Variants in VPS13D observed in about 807,000 individuals in gnomAD.
The protein encoded by VPS13D is vacuolar protein sorting 13 homolog D.
In VPS13D, 187 loss-of-function variants were observed where a neutral mutation model predicts 461.9. That is an observed-to-expected ratio of 0.40 (90% CI 0.36 to 0.46). The LOEUF (loss-of-function observed/expected upper bound fraction) is 0.46, where lower values mean the gene tolerates loss of function less well. Among genes scored for constraint, VPS13D ranks in the 20% least tolerant of loss-of-function variants. VPS13D has a pLI of 0.60. For missense variants in VPS13D, 4,711 were observed against 5,364.9 expected (o/e 0.88, Z 3.81); for synonymous variants, 1,951 against 1,986.3 (o/e 0.98, Z 0.47).
At chr1:12,314,899 C>T (rs757447460) in intron 30 of VPS13D, among the ~76,000 whole-genome samples, 6 of 152,226 alleles carry the variant, frequency 3.9e-5, no homozygotes, top group Non-Finnish European at 8.8e-5. Flanking sequence ...TGTCCTTAGA[C>T]AAGTTGTTTA....
intron 1 of VPS13D, among the ~76,000 whole-genome samples, chr1:12,230,649 C>T (rs1453557519): frequency 2.6e-5 from 4 of 152,158 alleles, no homozygotes; most frequent in African/African-American, 9.7e-5. Context: ...CCCGAGGTCA[C>T]ACTCTCGCGT....
At chr1:12,418,519 A>C (rs765629572) in intron 65 of VPS13D, among the ~76,000 whole-genome samples, 5 of 152,186 alleles carry the variant, frequency 3.3e-5, no homozygotes, top group Non-Finnish European at 5.9e-5. Context: ...TTGGTTTTAT[A>C]ATTTCTTTGT....
Position 12,311,533 on chromosome 1 carries a change from T to C in VPS13D, c.6730T>C (p.Tyr2244His). The C allele has an allele frequency of 6.2e-7, 1 of 1,614,186 alleles. No homozygotes were observed. The highest frequency in any genetic ancestry group is 8.5e-7 in the Non-Finnish European group (1 of 1,180,038). The change falls in exon 28 of 70, where the codon TAC becomes CAC. Residue 2244 changes from tyrosine to histidine, a missense_variant. Tyr to His is a moderately conservative substitution (Grantham distance 83). Transcript: ENST00000620676. ...CCACTGCTCTCTGGATCTGTATAAA[T>C]ACAAGCTGATCCGCGGCTTATTAGA... ...SVHCSLDLYKYKLIRGLLENN... is the reference protein window; with the variant it reads ...SVHCSLDLYKHKLIRGLLENN...
intron 52 of VPS13D, 69 bp from the exon 53 acceptor site, chr1:12,368,399 T>C: frequency 6.6e-7 from 1 of 1,515,432 alleles, no homozygotes; most frequent in Non-Finnish European, 8.9e-7. Context: ...GTCAGAAATA[T>C]GAGAAGTAAG....
rs980785691 is a variant in VPS13D, at chr1:12,378,724, A to G, written c.11081+133A>G. ...TTTTTTTCAATGACAAAAACCTGTC[A>G]TATTCCCAAATATGAGTATTGGGCT... is the stretch of plus-strand genomic sequence containing the variant. On this transcript the variant is annotated intron_variant, in intron 56 of 69. Transcript: ENST00000620676. 4.6e-5 allele frequency: 41 copies of G among 897,638 alleles called. No homozygotes were observed. In the African/African-American group the frequency reaches 6.1e-4, roughly 13 times the overall value. 55.6% of individuals were successfully genotyped at this position (897,638 alleles called of 1,614,324 possible).
chr1:12,411,865 A>G (rs749405138), intron 63 of VPS13D, among the ~76,000 whole-genome samples: 2 of 152,004 alleles, frequency 1.3e-5, no homozygotes, highest in Non-Finnish European at 2.9e-5. Context: ...CAAGGAAGCT[A>G]CTCCCAGCTT....
intron 16 of VPS13D, among the ~76,000 whole-genome samples, chr1:12,270,365 C>T (rs935747656): frequency 1.3e-5 from 2 of 150,740 alleles, no homozygotes; most frequent in African/African-American, 2.4e-5. Context: ...GCAGGAGACT[C>T]GCTTGAACCT....
chr1:12,242,071 T>TA lies in VPS13D; in HGVS notation c.98-431dup, dbSNP rs539184850. Among the ~76,000 whole-genome samples the TA allele has an allele frequency of 6.0e-3, 858 of 142,878 alleles. 4 individuals carry two copies. The highest frequency in any genetic ancestry group is 0.018 in the African/African-American group (721 of 39,046). The allele number at this position is 142,878 out of a possible 152,430, so 93.7% of individuals were successfully genotyped here. ...TGGTTTTTGCATTTTTAAAGGTTGA[T>TA]AAAAAAAAAAAGGAGAATACGCAAC... On this transcript the variant is annotated intron_variant, in intron 2 of 69. Coordinates refer to ENST00000620676, the MANE Select transcript of VPS13D (RefSeq NM_015378.4).
At chr1:12,491,929 T>C (rs983902884) in intron 67 of VPS13D, among the ~76,000 whole-genome samples, 1 of 152,212 alleles carries the variant, frequency 6.6e-6, no homozygotes, top group Non-Finnish European at 1.5e-5. Flanking sequence ...CCGCAGACCT[T>C]TGGCCAAACA....
Position 12,363,215 on chromosome 1 carries a change from C to T in VPS13D, c.10416C>T (p.Val3472=). Residue 3472 remains valine, a synonymous_variant, in exon 52 of 70, where the codon GTC becomes GTT. Coordinates refer to ENST00000620676, the MANE Select transcript of VPS13D (RefSeq NM_015378.4). ...PNCIWSGGFE[V]NKNNSFHINM... is the part of the protein sequence containing the mutation. ...GTATTTGGTCTGGAGGCTTTGAAGT[C>T]AACAAGAATAATTCCTTCCATATCA... is the stretch of plus-strand genomic sequence containing the variant. The T allele has an allele frequency of 6.2e-7, 1 of 1,614,104 alleles. No homozygotes were observed. The highest frequency in any genetic ancestry group is 1.1e-5 in the South Asian group (1 of 91,072).
chr1:12,435,540 T>C (rs1204177228), intron 65 of VPS13D, among the ~76,000 whole-genome samples: 1 of 152,246 alleles, frequency 6.6e-6, no homozygotes, highest in South Asian at 2.1e-4. Context: ...TTCATACAAA[T>C]TGATTTGTTT....
Position 12,288,279 on chromosome 1 carries a change from T to G in VPS13D, c.5691T>G (p.Asn1897Lys). The part of the protein sequence containing the change: ...NKTTSELAKA[N>K]VSKLVAHLEM... ...CCACCAGTGAGCTTGCCAAAGCAAA[T>G]GTGTCCAAATTAGTAGCACACCTGG... Residue 1897 changes from asparagine to lysine, a missense_variant, in exon 22 of 70, where the codon AAT becomes AAG. By Grantham distance (94) the Asn-to-Lys change is moderately conservative (BLOSUM62 0). Around this residue, in one of 3 missense-constraint regions of VPS13D, gnomAD observed 4,411 missense variants for 4,937.8 expected, o/e 0.89. Transcript: ENST00000620676. 1 of 1,614,166 alleles carries G rather than the reference T, an allele frequency of 6.2e-7. No homozygotes were observed. The highest frequency in any genetic ancestry group is 8.5e-7 in the Non-Finnish European group (1 of 1,179,990).
At position 12,429,484 on chromosome 1, in the gene VPS13D, G is replaced by A. The variant is rs539136587; in HGVS notation, c.12333+12657G>A. On this transcript the variant is annotated intron_variant, in intron 65 of 69. Coordinates refer to ENST00000620676, the MANE Select transcript of VPS13D (RefSeq NM_015378.4). ...ATTTTTACAGTTTTAGTAGAGATGG[G>A]GTTTCGCCATGTTGGCCAGCTTGTC... Among the ~76,000 whole-genome samples the A allele has an allele frequency of 3.3e-5, 5 of 152,168 alleles. No homozygotes were observed. In the East Asian group the frequency reaches 9.7e-4, roughly 29 times the overall value.
rs369654037 is a variant in VPS13D, at chr1:12,415,072, T to G, written c.12031-15T>G. 3.2e-5 allele frequency: 51 copies of G among 1,613,414 alleles called. No individual in the cohort carries two copies. The African/African-American group carries it at 5.2e-4, about 16-fold the overall frequency. On this transcript the variant is annotated splice_polypyrimidine_tract_variant and intron_variant, in intron 63 of 69. Transcript: ENST00000620676. ...ATATGACTTAAGTATGTCATTTCCT[T>G]TCTTCCCTAATTAGGCCCTAAAAAG...
chr1:12,394,343 C>G (rs1390909580), intron 60 of VPS13D, among the ~76,000 whole-genome samples: 1 of 152,084 alleles, frequency 6.6e-6, no homozygotes, highest in East Asian at 1.9e-4. Context: ...CTAGGAACAC[C>G]ATGATTAATT....
intron 67 of VPS13D, among the ~76,000 whole-genome samples, chr1:12,485,909 G>A (rs1404652797): frequency 2.0e-5 from 3 of 152,158 alleles, no homozygotes. Flanking sequence ...CCTTGTAGAG[G>A]CACTGAAGGG....
In VPS13D at chr1:12,329,888, T is replaced by G. The variant is rs770734153; in HGVS notation, c.8257T>G (p.Ser2753Ala). 1.2e-6 allele frequency: 2 copies of G among 1,614,086 alleles called. No individual in the cohort carries two copies. The highest frequency in any genetic ancestry group is 1.7e-6 in the Non-Finnish European group (2 of 1,179,988). ...SPEGYAHFTL[S>A]GDYYNRALSG... ...TGAAGGCTATGCCCACTTCACCCTT[T>G]CTGGAGATTATTATAACCGTGCTCT... The change falls in exon 37 of 70, where the codon TCT becomes GCT. Residue 2753 changes from serine (S) to alanine (A), a missense_variant. Ser to Ala is a moderately conservative substitution (Grantham distance 99). This residue lies in a region of VPS13D where 4,411 missense variants were observed against 4,937.8 expected (regional missense o/e 0.89). Transcript: ENST00000620676.
rs774275183 is a variant in VPS13D at position 12,272,977 on chromosome 1, G to C, written c.2104-26G>C. ...AAAGCTGTTGGGTTTCGGCAGTTAT[G>C]GTTAATGACTGTTTTATTTGTACAG... is the stretch of plus-strand genomic sequence containing the variant. On this transcript the variant is annotated intron_variant, in intron 17 of 69. Coordinates refer to ENST00000620676, the MANE Select transcript of VPS13D (RefSeq NM_015378.4). 18 of 1,608,380 alleles carry C rather than the reference G, an allele frequency of 1.1e-5. No individual in the cohort carries two copies. The Middle Eastern group carries it at 8.2e-4, about 74-fold the overall frequency.
Position 12,333,301 on chromosome 1 carries a change from C to T in VPS13D, c.8363C>T (p.Pro2788Leu), listed in dbSNP as rs868755481. 2 of 1,614,020 alleles carry T rather than the reference C, an allele frequency of 1.2e-6. No individual in the cohort carries two copies. Among genetic ancestry groups the T allele is most frequent in the African/African-American group, 2.7e-5 (2 of 74,926 alleles). Residue 2788 changes from proline to leucine, a missense_variant, in exon 38 of 70, where the codon CCT becomes CTT. Physicochemically the swap from Pro to Leu is moderately conservative, Grantham distance 98. This residue lies in a region of VPS13D where 4,411 missense variants were observed against 4,937.8 expected (regional missense o/e 0.89). Transcript: ENST00000620676. Reference protein sequence around the residue: ...QQQAASRLHPPRLKLEAKAKP... With the variant: ...QQQAASRLHPLRLKLEAKAKP... ...CAGGCAGCTAGTCGTCTCCATCCTC[C>T]TCGACTGAAGCTAGAAGCCAAGGCC...
Sources: allele counts gnomAD v4.1 joint callset (sites outside exome capture counted in the v4.1 genomes callset), GRCh38; gene constraint gnomAD v4.1.1; regional missense constraint gnomAD v4.1.1; transcripts MANE v1.5; gene names NCBI Gene and HGNC (gene_info 2026-07-23, HGNC 2026-07-21).